The following TTC3 variants were observed in gnomAD, a reference collection of about 807,000 sequenced individuals.
TTC3 encodes the protein E3 ubiquitin-protein ligase TTC3.
In TTC3, 180 loss-of-function variants were observed where a neutral mutation model predicts 249.6. The ratio of observed to expected loss-of-function variants is 0.72; its 90% CI spans 0.64 to 0.82. The LOEUF (loss-of-function observed/expected upper bound fraction) is 0.82. Ranked by LOEUF, TTC3 falls within the 40% of genes least tolerant of loss-of-function variation. The probability of loss-of-function intolerance (pLI) is 0.00; values close to 1 mark genes in which losing one functional copy is unlikely to be tolerated. For missense variants in TTC3, 2,061 were observed against 2,398.4 expected, an observed-to-expected ratio of 0.86 and a Z score of 2.94; for synonymous variants, 717 against 805.0, an observed-to-expected ratio of 0.89 and a Z score of 1.85.
chr21:37,192,305 G>T, intron 41 of TTC3, 92 bp downstream of exon 41: 1 of 779,898 alleles, frequency 1.3e-6, no homozygotes, highest in South Asian at 2.1e-5. Flanking sequence ...CTGGGAGTGA[G>T]GATGAGATTG....
exon 46 of TTC3, chr21:37,201,497 C>T (rs1399459405): frequency 1.9e-6 from 3 of 1,613,942 alleles, no homozygotes; most frequent in Non-Finnish European, 2.5e-6. Flanking sequence ...GGGTCGTGAT[C>T]TCCTGACAGA....
chr21:37,154,820 C>T (rs2079852444), intron 27 of TTC3, among the ~76,000 whole-genome samples: 2 of 152,094 alleles, frequency 1.3e-5, no homozygotes, highest in South Asian at 2.1e-4. Context: ...CTCAGCCTCC[C>T]GAGCAGCTGG....
chr21:37,154,974 C>T (rs1034690928), intron 27 of TTC3, among the ~76,000 whole-genome samples: 3 of 152,110 alleles, frequency 2.0e-5, no homozygotes, highest in East Asian at 1.9e-4. Flanking sequence ...GGATTACAGG[C>T]GTCAGCCACC....
chr21:37,084,617 CAAGA>C (rs2072160776), intron 1 of TTC3, among the ~76,000 whole-genome samples: 1 of 152,198 alleles, frequency 6.6e-6, no homozygotes, highest in Admixed American at 6.5e-5. Flanking sequence ...CCCAAGGAAA[CAAGA>C]GAGCCAGGAC....
At chr21:37,119,706 ACT>A (rs1380127998) in intron 11 of TTC3, among the ~76,000 whole-genome samples, 1 of 151,600 alleles carries the variant, frequency 6.6e-6, no homozygotes, top group African/African-American at 2.4e-5. Flanking sequence ...TGTTTTTCAT[ACT>A]CTCTTTTGTT....
At position 37,157,139 on chromosome 21, in the gene TTC3, C is replaced by T. The variant is rs186173991; in HGVS notation, c.2992+233C>T. ...ATGTAGGTATGTTATGCTAACAATA[C>T]ACAATGTTCTTCCCGTCTTAGATAT... is the stretch of plus-strand genomic sequence containing the variant. On this transcript the variant is annotated intron_variant, in intron 28 of 45. Transcript: ENST00000355666. The T allele has an allele frequency of 1.8e-4, 254 of 1,435,636 alleles. 1 individual carries two copies. The African/African-American group carries it at 3.2e-3, about 18-fold the overall frequency. The allele number at this position is 1,435,636 out of a possible 1,614,324, so 88.9% of individuals were successfully genotyped here. A position where few individuals can be genotyped will look rare whatever the true frequency, so the allele number is the denominator to read the frequency against.
chr21:37,138,685 A>G (rs990543645), exon 19 of TTC3: 1 of 1,612,442 alleles, frequency 6.2e-7, no homozygotes, highest in South Asian at 1.1e-5. Flanking sequence ...TGGACTTGCC[A>G]TTTCTCTCCT....
chr21:37,083,230 T>G (rs556441480), intron 1 of TTC3: 26 of 985,408 alleles, frequency 2.6e-5, no homozygotes, highest in Non-Finnish European at 3.1e-5. Context: ...GGACAAGCAG[T>G]TGGGTATGAC....
At chr21:37,144,778 T>C (rs2078842268) in intron 21 of TTC3, 133 bp downstream of exon 21, 10 of 1,100,772 alleles carry the variant, frequency 9.1e-6, no homozygotes, top group Non-Finnish European at 1.3e-5. Context: ...CTCTACTGTC[T>C]AATGAGAATC....
At chr21:37,099,501 T>C (rs1395259603) in intron 10 of TTC3, among the ~76,000 whole-genome samples, 1 of 152,122 alleles carries the variant, frequency 6.6e-6, no homozygotes, top group Non-Finnish European at 1.5e-5. Context: ...TAAAAGGGAA[T>C]GTGAAAGTCG....
intron 34 of TTC3, among the ~76,000 whole-genome samples, chr21:37,172,283 G>T (rs2081870778): frequency 6.6e-6 from 1 of 152,186 alleles, no homozygotes; most frequent in African/African-American, 2.4e-5. Flanking sequence ...GGTGTTAATT[G>T]TGGAGAGTGA....
intron 10 of TTC3, among the ~76,000 whole-genome samples, chr21:37,104,279 C>T (rs1378590247): frequency 6.6e-6 from 1 of 152,120 alleles, no homozygotes; most frequent in Admixed American, 6.5e-5. Context: ...GGACTTCACT[C>T]TCGGACACTG....
chr21:37,161,631 G>GA (rs1242497762), intron 30 of TTC3, among the ~76,000 whole-genome samples: 2 of 152,236 alleles, frequency 1.3e-5, no homozygotes, highest in African/African-American at 4.8e-5. Flanking sequence ...CAGAAAGGGG[G>GA]ATGGAGTGAG....
exon 1 of TTC3, chr21:37,073,315 G>GACT (rs1555996078): frequency 5.2e-6 from 2 of 382,366 alleles, no homozygotes; most frequent in Non-Finnish European, 7.2e-6. Flanking sequence ...CGGCGGCGGC[G>GACT]GCTGCTGCTG....
In TTC3 at chr21:37,176,821, T is replaced by C. The variant is rs150363223; in HGVS notation, c.4617+4077T>C. Among the ~76,000 whole-genome samples the C allele has an allele frequency of 1.5e-3, 224 of 152,296 alleles. 2 individuals are homozygous for C. Among genetic ancestry groups the C allele is most frequent in the African/African-American group, 4.9e-3 (205 of 41,562 alleles). ...ACCAGTACGAAGTGGCAGAACAGGT[T>C]GTGTCAGGCTTCAGAGCCCATGCAT... is the stretch of plus-strand genomic sequence containing the variant. On this transcript the variant is annotated intron_variant, in intron 35 of 45. Coordinates refer to ENST00000355666, the Ensembl canonical transcript of TTC3.
At chr21:37,200,803 G>A (rs1458116156) in intron 45 of TTC3, among the ~76,000 whole-genome samples, 7 of 152,170 alleles carry the variant, frequency 4.6e-5, no homozygotes, top group African/African-American at 1.4e-4. Flanking sequence ...TCTAGGTACC[G>A]TGAGCATTTG....
chr21:37,120,488 T>G (rs1017583602), intron 11 of TTC3, among the ~76,000 whole-genome samples: 1 of 152,108 alleles, frequency 6.6e-6, no homozygotes, highest in African/African-American at 2.4e-5. Context: ...TAGCTGTGGG[T>G]TTTTTAATGC....
intron 1 of TTC3, among the ~76,000 whole-genome samples, chr21:37,084,997 A>AAACT (rs2072248157): frequency 6.6e-6 from 1 of 152,128 alleles, no homozygotes; most frequent in Admixed American, 6.5e-5. Flanking sequence ...TGTCTCAAAC[A>AAACT]AACAAACAAA....
chr21:37,093,699 T>G (rs1199662727), intron 7 of TTC3, among the ~76,000 whole-genome samples: 7 of 152,148 alleles, frequency 4.6e-5, no homozygotes, highest in Admixed American at 4.6e-4. Context: ...GACAGAGCAT[T>G]TATTGTAAAT....
Sources: gnomAD v4.1 joint callset for allele counts (sites outside exome capture counted in the v4.1 genomes callset) on GRCh38, gnomAD v4.1.1 for gene constraint, MANE v1.5 for transcripts, NCBI Gene and HGNC (gene_info 2026-07-23, HGNC 2026-07-21) for gene names.